COL4A2: variants seen among roughly 807,000 people sequenced by gnomAD.
The protein encoded by COL4A2 is collagen alpha-2(IV) chain.
Under a neutral mutation model 200.2 loss-of-function variants are expected in COL4A2, and 99 were observed. That is an observed-to-expected ratio of 0.49 (90% CI 0.42 to 0.58). COL4A2 has a LOEUF of 0.58. Ranked by LOEUF, COL4A2 falls within the 20% of genes least tolerant of loss-of-function variation. The probability of loss-of-function intolerance (pLI) is 0.00; values close to 1 mark genes in which losing one functional copy is unlikely to be tolerated. For missense variants in COL4A2, 1,950 were observed against 2,314.1 expected (o/e 0.84, Z 3.23); for synonymous variants, 897 against 900.6 (o/e 1.00, Z 0.07).
chr13:110,433,400 A>C (rs1193303494), intron 11 of COL4A2, among the ~76,000 whole-genome samples: 1 of 152,106 alleles, frequency 6.6e-6, no homozygotes, highest in East Asian at 1.9e-4. Flanking sequence ...CCCCTGACCA[A>C]GTCACTTCCT....
Position 110,497,757 on chromosome 13 carries a change from GGGTC to G in COL4A2, c.3760+2291_3760+2294del, listed in dbSNP as rs879371724. 4.4e-4 allele frequency among the ~76,000 whole-genome samples: 66 copies of G among 150,350 alleles called. 6 individuals carry two copies. The highest frequency in any genetic ancestry group is 4.6e-4 in the Admixed American group (7 of 15,102). On this transcript the variant is annotated intron_variant, in intron 40 of 47. Coordinates refer to ENST00000360467, the MANE Select transcript of COL4A2 (RefSeq NM_001846.4). ...AGCCTCAGTCAGGGGTGAGGATCTG[GGGTC>G]AGTCCAGCAGCACAGCCTCAGTCAG...
chr13:110,355,833 CTG>C (rs1192719942), intron 3 of COL4A2, among the ~76,000 whole-genome samples: 2 of 11,648 alleles, frequency 1.7e-4, no homozygotes, highest in Non-Finnish European at 3.8e-4. Context: ...ACTAGCTCAC[CTG>C]TGTGTGGGGG....
At chr13:110,410,264 A>G (rs923015452) in intron 4 of COL4A2, among the ~76,000 whole-genome samples, 7 of 152,244 alleles carry the variant, frequency 4.6e-5, no homozygotes, top group Admixed American at 4.6e-4. Context: ...GCTTGCAGTT[A>G]TCACACTCAA....
At chr13:110,366,859 C>A (rs1370841462) in intron 4 of COL4A2, among the ~76,000 whole-genome samples, 1 of 152,176 alleles carries the variant, frequency 6.6e-6, no homozygotes, top group Non-Finnish European at 1.5e-5. Flanking sequence ...GCTGGTCAAC[C>A]TGAGGCCCTG....
At chr13:110,408,089 G>A (rs1472193415) in intron 4 of COL4A2, among the ~76,000 whole-genome samples, 1 of 152,162 alleles carries the variant, frequency 6.6e-6, no homozygotes, top group African/African-American at 2.4e-5. Flanking sequence ...GAGTTTGGAG[G>A]GGAAGAGAGC....
rs769841712 is a variant in COL4A2, at chr13:110,458,843, AGGGCTTC to A, written c.1507_1513del (p.Gly503GlnfsTer66). On this transcript the variant is annotated frameshift_variant, in exon 22 of 48. Transcript: ENST00000360467. LOFTEE classifies it high-confidence loss of function. ...GGTCTTCCGGGACTGCCAGGACCCAAGGGCTTCGCAGGCATCAACGGGGAGCCGGGGA... is the reference window on the plus strand; with the variant it reads ...GGTCTTCCGGGACTGCCAGGACCCAAGCAGGCATCAACGGGGAGCCGGGGA... The A allele has an allele frequency of 3.1e-6, 5 of 1,613,530 alleles. No individual in the cohort carries two copies. Among genetic ancestry groups the A allele is most frequent in the Non-Finnish European group, 1.7e-6 (2 of 1,179,772 alleles).
chr13:110,463,793 C>T (rs1463640316), intron 24 of COL4A2, among the ~76,000 whole-genome samples: 1 of 152,178 alleles, frequency 6.6e-6, no homozygotes, highest in East Asian at 1.9e-4. Context: ...GCCTTGGCTT[C>T]CCAAAGCACT....
intron 27 of COL4A2, among the ~76,000 whole-genome samples, chr13:110,467,682 A>G (rs1487193315): frequency 2.0e-5 from 3 of 152,110 alleles, no homozygotes; most frequent in African/African-American, 7.2e-5. Context: ...GCTGGCCACC[A>G]CTGCCGTCCC....
chr13:110,454,846 A>G lies in COL4A2; in HGVS notation c.1340-2497A>G, dbSNP rs116654534. Among the ~76,000 whole-genome samples, 955 of 152,212 alleles carry G rather than the reference A, an allele frequency of 6.3e-3. 9 individuals carry two copies. The highest frequency in any genetic ancestry group is 0.02 in the African/African-American group (810 of 41,522). ...GTTAACTCGACACAGAGTCAACCCT[A>G]TGCACGTGTCTCACAAATGCCTCAA... On this transcript the variant is annotated intron_variant, in intron 20 of 47. Coordinates refer to ENST00000360467, the MANE Select transcript of COL4A2 (RefSeq NM_001846.4).
At chr13:110,338,354 G>A (rs918179800) in intron 3 of COL4A2, among the ~76,000 whole-genome samples, 1 of 150,934 alleles carries the variant, frequency 6.6e-6, no homozygotes, top group Non-Finnish European at 1.5e-5. Context: ...GAGAAAGAGA[G>A]AGAGAGGAGA....
At chr13:110,391,210 T>C (rs1237293367) in intron 4 of COL4A2, among the ~76,000 whole-genome samples, 1 of 152,262 alleles carries the variant, frequency 6.6e-6, no homozygotes, top group East Asian at 1.9e-4. Flanking sequence ...CATAACCCAC[T>C]GCCTGTATCA....
Position 110,473,288 on chromosome 13 carries a change from G to C in COL4A2, c.2425+138G>C, listed in dbSNP as rs554246387. The C allele has an allele frequency of 8.4e-5, 61 of 723,968 alleles. No homozygotes were observed. In the African/African-American group the frequency reaches 1.1e-3, roughly 12 times the overall value. 44.8% of individuals were successfully genotyped at this position (723,968 alleles called of 1,614,324 possible). A position where few individuals can be genotyped will look rare whatever the true frequency, so the allele number is the denominator to read the frequency against. On this transcript the variant is annotated intron_variant, in intron 29 of 47. Coordinates refer to ENST00000360467, the MANE Select transcript of COL4A2 (RefSeq NM_001846.4). ...CTAGCCATGCGTACCTTCTCCCATG[G>C]CCTTCCAGCACTCCTTTAGAATGTG...
Position 110,458,773 on chromosome 13 carries a change from G to C in COL4A2, c.1435G>C (p.Asp479His), listed in dbSNP as rs1461225740. Residue 479 changes from aspartate (D) to histidine (H), a missense_variant and splice_region_variant, in exon 22 of 48, where the codon GAC becomes CAC. By Grantham distance (81) the Asp-to-His change is moderately conservative. Transcript: ENST00000360467. ...GARGPKGWKG[D>H]AGECRCTEGD... is the part of the protein sequence containing the mutation. ...GCCCTCCTCTCCCTCCTCTGCAGGTGACGCTGGGGAATGCAGATGTACAGA... is the reference window on the plus strand; with the variant it reads ...GCCCTCCTCTCCCTCCTCTGCAGGTCACGCTGGGGAATGCAGATGTACAGA... The C allele has an allele frequency of 6.2e-7, 1 of 1,614,066 alleles. No homozygotes were observed. Among genetic ancestry groups the C allele is most frequent in the East Asian group, 2.2e-5 (1 of 44,858 alleles).
At chr13:110,484,324 A>G (rs1883036693) in intron 32 of COL4A2, among the ~76,000 whole-genome samples, 2 of 152,158 alleles carry the variant, frequency 1.3e-5, no homozygotes, top group Non-Finnish European at 2.9e-5. Context: ...TCACTGAGCC[A>G]GATTTCACTT....
Position 110,457,310 on chromosome 13 carries a change from G to C in COL4A2, c.1340-33G>C, listed in dbSNP as rs372740017. 3.0e-5 allele frequency: 42 copies of C among 1,414,338 alleles called. 2 individuals are homozygous for C. The African/African-American group carries it at 5.8e-4, about 19-fold the overall frequency. The allele number at this position is 1,414,338 out of a possible 1,614,324, so 87.6% of individuals were successfully genotyped here. On this transcript the variant is annotated intron_variant, in intron 20 of 47. Transcript: ENST00000360467. ...GCGTGGGACCCCAGGCGTCCGTGGG[G>C]CTCATGCCCTGCATCTGTGGTTGTC...
intron 4 of COL4A2, among the ~76,000 whole-genome samples, chr13:110,384,692 C>T (rs1350293994): frequency 6.6e-6 from 1 of 152,210 alleles, no homozygotes; most frequent in East Asian, 1.9e-4. Flanking sequence ...GTCCCAAACA[C>T]CTGCCTTCCC....
At chr13:110,351,979 T>C (rs780801928) in intron 3 of COL4A2, among the ~76,000 whole-genome samples, 1 of 151,958 alleles carries the variant, frequency 6.6e-6, no homozygotes, top group Non-Finnish European at 1.5e-5. Flanking sequence ...TAGATTGAAA[T>C]GGAGTCCTGA....
chr13:110,453,905 G>A (rs924272107), intron 20 of COL4A2, among the ~76,000 whole-genome samples: 1 of 152,198 alleles, frequency 6.6e-6, no homozygotes, highest in Non-Finnish European at 1.5e-5. Context: ...TTGTAGTTTA[G>A]TAGGAATGAC....
At chr13:110,434,778 A>G (rs1880811163) in intron 12 of COL4A2, among the ~76,000 whole-genome samples, 1 of 152,108 alleles carries the variant, frequency 6.6e-6, no homozygotes, top group Non-Finnish European at 1.5e-5. Flanking sequence ...GATGGAGGGG[A>G]CTGAGACTAC....
Sources: allele counts gnomAD v4.1 joint callset (sites outside exome capture counted in the v4.1 genomes callset), GRCh38; gene constraint gnomAD v4.1.1; transcripts MANE v1.5; gene names NCBI Gene and HGNC (gene_info 2026-07-23, HGNC 2026-07-21).